Variants in PCDHA4 observed in about 807,000 individuals in gnomAD.
PCDHA4 encodes the protein protocadherin alpha-4.
In PCDHA4, 49 loss-of-function variants were observed where a neutral mutation model predicts 61.4. The ratio of observed to expected loss-of-function variants is 0.80; its 90% CI spans 0.63 to 1.01. PCDHA4 has a LOEUF of 1.01. PCDHA4 is among the 50% of genes least tolerant of loss of function. PCDHA4 has a pLI of 0.00. For synonymous variants in PCDHA4, 590 were observed against 550.3 expected (o/e 1.07, Z -1.01); for missense variants, 1,254 against 1,235.8 (o/e 1.01, Z -0.22).
chr5:140,936,744 T>A (rs1204618787), intron 1 of PCDHA4, among the ~76,000 whole-genome samples: 5 of 152,216 alleles, frequency 3.3e-5, no homozygotes, highest in Non-Finnish European at 5.9e-5. Context: ...AACTTTTCAT[T>A]TGTATTGATA....
intron 1 of PCDHA4, among the ~76,000 whole-genome samples, chr5:140,956,246 C>T (rs2095270779): frequency 6.6e-6 from 1 of 152,094 alleles, no homozygotes; most frequent in African/African-American, 2.4e-5. Context: ...GGGAATGCTT[C>T]CAGGTTTTGC....
At chr5:140,963,237 G>A (rs782735845) in intron 1 of PCDHA4, among the ~76,000 whole-genome samples, 50 of 152,136 alleles carry the variant, frequency 3.3e-4, no homozygotes, top group Non-Finnish European at 6.2e-4. Flanking sequence ...CTGTTTGATG[G>A]ATTAGGTAGG....
At chr5:140,938,715 C>T (rs138044331) in intron 1 of PCDHA4, among the ~76,000 whole-genome samples, 10 of 152,038 alleles carry the variant, frequency 6.6e-5, no homozygotes, top group African/African-American at 2.4e-4. Flanking sequence ...ATGATAGAAA[C>T]GCGTTTCTAC....
rs2150283763 is a variant in PCDHA4, at chr5:140,838,077, AGTGTGTGTGTGT to A, written c.2385+28548_2385+28559del. On this transcript the variant is annotated intron_variant, in intron 1 of 3. Coordinates refer to ENST00000530339, the MANE Select transcript of PCDHA4 (RefSeq NM_018907.4). ...TTTCCACTTTAAGTTATATATATAT[AGTGTGTGTGTGT>A]GTGTGTGTGTGTGTGTGTGTGTGTG... Among the ~76,000 whole-genome samples, 482 of 80,690 alleles carry A rather than the reference AGTGTGTGTGTGT, an allele frequency of 6.0e-3. 2 individuals are homozygous for A. Among genetic ancestry groups the A allele is most frequent in the East Asian group, 0.019 (58 of 3,058 alleles). 52.9% of individuals were successfully genotyped at this position (80,690 alleles called of 152,430 possible).
chr5:140,842,707 G>A, intron 1 of PCDHA4: 1 of 1,595,290 alleles, frequency 6.3e-7, no homozygotes, highest in Non-Finnish European at 8.6e-7. Context: ...AGTACACGGT[G>A]TTCGTGAAGG....
At chr5:140,877,196 G>C (rs782703953) in intron 1 of PCDHA4, 1 of 1,613,808 alleles carries the variant, frequency 6.2e-7, no homozygotes, top group East Asian at 2.2e-5. Context: ...AGCGCAGGAG[G>C]CGCAGTTAGC....
At position 140,849,851 on chromosome 5, in the gene PCDHA4, A is replaced by T. The variant is rs148732691; in HGVS notation, c.2385+40279A>T. On this transcript the variant is annotated intron_variant, in intron 1 of 3. Coordinates refer to ENST00000530339, the MANE Select transcript of PCDHA4 (RefSeq NM_018907.4). Reference sequence around the variant, plus strand: ...AGGTGGCCGACGTGAACGACAACGCACCAGCGTTCGCGCAGTCCGAGTACA... The same window carrying T: ...AGGTGGCCGACGTGAACGACAACGCTCCAGCGTTCGCGCAGTCCGAGTACA... The T allele has an allele frequency of 4.9e-4, 784 of 1,598,368 alleles. 43 individuals are homozygous for T. The African/African-American group carries it at 9.3e-3, about 19-fold the overall frequency.
At chr5:140,871,976 C>A (rs2053421346) in intron 1 of PCDHA4, among the ~76,000 whole-genome samples, 1 of 152,206 alleles carries the variant, frequency 6.6e-6, no homozygotes, top group Non-Finnish European at 1.5e-5. Context: ...CCTATGATGT[C>A]CAGGTTGGAC....
chr5:140,845,513 G>A (rs2150211324), intron 1 of PCDHA4, among the ~76,000 whole-genome samples: 1 of 149,564 alleles, frequency 6.7e-6, no homozygotes, highest in African/African-American at 2.4e-5. Context: ...CCTATTTCTT[G>A]TACATTAATA....
At chr5:140,851,899 C>T (rs1295773158) in intron 1 of PCDHA4, 2 of 973,488 alleles carry the variant, frequency 2.1e-6, no homozygotes, top group African/African-American at 1.8e-5. Flanking sequence ...AGATTTGCCT[C>T]TTTAATGTCA....
At chr5:140,858,475 G>A in intron 1 of PCDHA4, 1 of 1,517,006 alleles carries the variant, frequency 6.6e-7, no homozygotes, top group Non-Finnish European at 9.0e-7. Flanking sequence ...TGTGCTTTAT[G>A]AATAATATTT....
intron 1 of PCDHA4, chr5:140,882,138 T>C: frequency 6.7e-7 from 1 of 1,489,248 alleles, no homozygotes; most frequent in South Asian, 1.4e-5. Context: ...CTGCAGAAAA[T>C]ATAGCAGAAA....
chr5:140,842,333 G>A, intron 1 of PCDHA4: 2 of 1,608,106 alleles, frequency 1.2e-6, no homozygotes, highest in South Asian at 2.2e-5. Flanking sequence ...CACCGTTTTA[G>A]TGAGAATTTT....
chr5:140,827,639 A>G (rs2150148590), intron 1 of PCDHA4, among the ~76,000 whole-genome samples: 6 of 152,354 alleles, frequency 3.9e-5, no homozygotes, highest in Admixed American at 1.3e-4. Context: ...AATAGTTTAC[A>G]TTTCTGATTT....
intron 1 of PCDHA4, chr5:140,869,566 G>C (rs782325882): frequency 6.2e-7 from 1 of 1,614,178 alleles, no homozygotes; most frequent in Middle Eastern, 1.6e-4. Context: ...TTTTCCACTA[G>C]AGGGAGCTTC....
chr5:140,871,419 C>A (rs1554165566), intron 1 of PCDHA4: 1 of 1,613,732 alleles, frequency 6.2e-7, no homozygotes. Flanking sequence ...TGGCCTTCAG[C>A]CCCAGTCTTC....
In PCDHA4 at chr5:140,836,337, A is replaced by C. The variant is rs143048298; in HGVS notation, c.2385+26765A>C. 5 of 1,613,530 alleles carry C rather than the reference A, an allele frequency of 3.1e-6. No individual in the cohort carries two copies. The African/African-American group carries it at 6.7e-5, about 22-fold the overall frequency. ...GCGCCACCGCCTTCTGGTGCTTGTG[A>C]AGGACCACGGGGAGCCCTCGCTGAC... On this transcript the variant is annotated intron_variant, in intron 1 of 3. Transcript: ENST00000530339.
chr5:140,898,040 GT>G (rs1301370622), intron 1 of PCDHA4, among the ~76,000 whole-genome samples: 7 of 151,970 alleles, frequency 4.6e-5, no homozygotes, highest in Non-Finnish European at 8.8e-5. Flanking sequence ...GGGGTTGTTT[GT>G]TTTTTTCTTG....
At chr5:140,927,472 G>T (rs201932518) in intron 1 of PCDHA4, 4 of 1,614,094 alleles carry the variant, frequency 2.5e-6, no homozygotes, top group African/African-American at 1.3e-5. Context: ...ACTGGATCGC[G>T]AACAGCGCGC....
Sources: allele counts gnomAD v4.1 joint callset (sites outside exome capture counted in the v4.1 genomes callset), GRCh38; gene constraint gnomAD v4.1.1; transcripts MANE v1.5; gene names NCBI Gene and HGNC (gene_info 2026-07-23, HGNC 2026-07-21).